ITPRID2: variants seen among roughly 807,000 people sequenced by gnomAD.
ITPRID2 encodes the protein ITPR interacting domain containing 2.
Under a neutral mutation model 124.3 loss-of-function variants are expected in ITPRID2, and 60 were observed. That is an observed-to-expected ratio of 0.48 (90% confidence interval 0.39 to 0.60). ITPRID2 has a LOEUF of 0.60. Ranked by LOEUF, ITPRID2 falls within the 20% of genes least tolerant of loss-of-function variation. The pLI is 0.00. For missense variants in ITPRID2, 1,553 were observed against 1,512.2 expected (o/e 1.03, Z -0.45); for synonymous variants, 521 against 542.9 (o/e 0.96, Z 0.56).
intron 9 of ITPRID2, among the ~76,000 whole-genome samples, chr2:181,911,935 A>G (rs1311466599): frequency 1.3e-5 from 2 of 152,158 alleles, no homozygotes; most frequent in African/African-American, 2.4e-5. Context: ...TGAGCAGTCT[A>G]CCTGCATTAT....
At chr2:181,921,332 G>T (rs1327111394) in intron 15 of ITPRID2, among the ~76,000 whole-genome samples, 1 of 152,030 alleles carries the variant, frequency 6.6e-6, no homozygotes, top group Non-Finnish European at 1.5e-5. Flanking sequence ...ACAAAAATTA[G>T]CTGGGCATGG....
At position 181,919,104 on chromosome 2, in the gene ITPRID2, A is replaced by G. The variant is rs1233440566; in HGVS notation, c.2994-192A>G. Among the ~76,000 whole-genome samples the G allele has an allele frequency of 2.0e-5, 3 of 152,154 alleles. No homozygotes were observed. The highest frequency in any genetic ancestry group is 4.4e-5 in the Non-Finnish European group (3 of 68,034). ...GGTAACCTGCTTTCCCGTGTTTGAG[A>G]TATTTGTGAGAGGATAGGGGAAGAA... is the stretch of plus-strand genomic sequence containing the variant. On this transcript the variant is annotated intron_variant, in intron 13 of 17. Coordinates refer to ENST00000431877, the MANE Select transcript of ITPRID2 (RefSeq NM_001130445.3). The surrounding 1 kb of genome is among the most constrained non-coding windows in gnomAD (Gnocchi z 4.2).
At chr2:181,924,438 G>A (rs1199920758) in intron 16 of ITPRID2, among the ~76,000 whole-genome samples, 1 of 152,100 alleles carries the variant, frequency 6.6e-6, no homozygotes, top group Non-Finnish European at 1.5e-5. Flanking sequence ...TTGGTGTACA[G>A]CTACCAAGAA....
chr2:181,921,494 T>C (rs1282889300), intron 15 of ITPRID2, among the ~76,000 whole-genome samples: 1 of 151,706 alleles, frequency 6.6e-6, no homozygotes, highest in Non-Finnish European at 1.5e-5. Context: ...AAAAAGAAAA[T>C]TGATTTTTAA....
rs754319853 is a variant in ITPRID2, at chr2:181,892,216, CGAG to C, written c.159_161del (p.Glu53del). On this transcript the variant is annotated inframe_deletion, in exon 1 of 18. Coordinates refer to ENST00000431877, the MANE Select transcript of ITPRID2 (RefSeq NM_001130445.3). This position sits in a 1 kb window ranked among gnomAD's most constrained non-coding sequence, Gnocchi z 5.2. ...TGTCCACAGAAGCGACGACGCAGGA[CGAG>C]GAGGAGGACGAGGAGGAGGACCTCC... The C allele has an allele frequency of 3.2e-5, 49 of 1,550,940 alleles. No individual in the cohort carries two copies. The highest frequency in any genetic ancestry group is 4.1e-5 in the Non-Finnish European group (47 of 1,147,158).
chr2:181,901,003 G>A, intron 7 of ITPRID2, 99 bp downstream of exon 7: 1 of 925,510 alleles, frequency 1.1e-6, no homozygotes, highest in Non-Finnish European at 1.6e-6. Context: ...AATAGCACTG[G>A]AAAGTAAAGA....
intron 2 of ITPRID2, chr2:181,893,244 C>T (rs774397955): frequency 1.3e-5 from 2 of 153,010 alleles, no homozygotes; most frequent in Non-Finnish European, 2.9e-5. Flanking sequence ...TGTTTAATTA[C>T]ATGCTTTGGC....
At position 181,892,052 on chromosome 2, in the gene ITPRID2, G is replaced by T. The variant is rs750070702; in HGVS notation, c.-15G>T. ...CGCAGGGTCCGGCTGGGGTAGCGGA[G>T]CCCCCAGTGCGGCCATGGACCGGCC... On this transcript the variant is annotated 5_prime_UTR_variant, in exon 1 of 18. Coordinates refer to ENST00000431877, the MANE Select transcript of ITPRID2 (RefSeq NM_001130445.3). The surrounding 1 kb of genome is among the most constrained non-coding windows in gnomAD (Gnocchi z 5.2). 3 of 1,547,726 alleles carry T rather than the reference G, an allele frequency of 1.9e-6. No homozygotes were observed. Among genetic ancestry groups the T allele is most frequent in the Non-Finnish European group, 8.7e-7 (1 of 1,146,490 alleles).
rs775047139 is a variant in ITPRID2 at position 181,919,314 on chromosome 2, C to T, written c.3012C>T (p.Leu1004=). 1.9e-6 allele frequency: 3 copies of T among 1,614,126 alleles called. No individual in the cohort carries two copies. In the South Asian group the frequency reaches 3.3e-5, roughly 18 times the overall value. Residue 1004 remains leucine (L), a synonymous_variant, in exon 14 of 18, where the codon CTC becomes CTT. Coordinates refer to ENST00000431877, the MANE Select transcript of ITPRID2 (RefSeq NM_001130445.3). The surrounding 1 kb of genome is among the most constrained non-coding windows in gnomAD (Gnocchi z 4.2). ...CCAATAGGTTTGAAGTTGATCAGCT[C>T]CAGGGTTTGAGAAATTCAGTCCGAA... ...TEEERFEVDQ[L]QGLRNSVRME...
chr2:181,923,002 G>T (rs939780366), intron 16 of ITPRID2, among the ~76,000 whole-genome samples: 1 of 152,168 alleles, frequency 6.6e-6, no homozygotes, highest in Non-Finnish European at 1.5e-5. Flanking sequence ...TAAATAGATT[G>T]ATTTGGTTTG....
At chr2:181,918,514 C>A in intron 11 of ITPRID2, 84 bp from the exon 12 acceptor site, 2 of 1,565,262 alleles carry the variant, frequency 1.3e-6, no homozygotes, top group South Asian at 2.4e-5. Context: ...TATATAGGCC[C>A]CAAATTCTGC....
At chr2:181,911,784 G>A (rs2125089529) in intron 9 of ITPRID2, among the ~76,000 whole-genome samples, 1 of 152,290 alleles carries the variant, frequency 6.6e-6, no homozygotes, top group African/African-American at 2.4e-5. Flanking sequence ...TTCTGAAGTA[G>A]CCCTGTGAGA....
In ITPRID2 at chr2:181,892,740, T is replaced by C. The variant is rs888657784; in HGVS notation, c.257+80T>C. The C allele has an allele frequency of 8.7e-5, 133 of 1,525,590 alleles. No homozygotes were observed. Among genetic ancestry groups the C allele is most frequent in the Non-Finnish European group, 1.1e-4 (121 of 1,103,112 alleles). 94.5% of individuals were successfully genotyped at this position (1,525,590 alleles called of 1,614,324 possible). A position where few individuals can be genotyped will look rare whatever the true frequency, so the allele number is the denominator to read the frequency against. The stretch of plus-strand genomic sequence containing the variant: ...CCGGAGCAGAGCCACTCGGGCCGCG[T>C]CCCTGTGGGTCCCGCGACCGTTGTA... On this transcript the variant is annotated intron_variant, in intron 2 of 17. Coordinates refer to ENST00000431877, the MANE Select transcript of ITPRID2 (RefSeq NM_001130445.3). The surrounding 1 kb of genome is among the most constrained non-coding windows in gnomAD (Gnocchi z 5.2).
chr2:181,892,481 G>T lies in ITPRID2; in HGVS notation c.212-134G>T. The T allele has an allele frequency of 7.9e-7, 1 of 1,257,940 alleles. No homozygotes were observed. Among genetic ancestry groups the T allele is most frequent in the Non-Finnish European group, 1.1e-6 (1 of 878,274 alleles). 77.9% of individuals were successfully genotyped at this position (1,257,940 alleles called of 1,614,324 possible). ...CAACTGGGTGCCATCCGATTTCCCT[G>T]CCAAGGGACACTGAGACGTGTCGCT... On this transcript the variant is annotated intron_variant, in intron 1 of 17. Transcript: ENST00000431877. The surrounding 1 kb of genome is among the most constrained non-coding windows in gnomAD (Gnocchi z 5.2).
chr2:181,892,436 G>T lies in ITPRID2; in HGVS notation c.211+159G>T. On this transcript the variant is annotated intron_variant, in intron 1 of 17. Transcript: ENST00000431877. The surrounding 1 kb of genome is among the most constrained non-coding windows in gnomAD (Gnocchi z 5.2). Reference sequence around the variant, plus strand: ...TTCAAACGCGCGCGCTGAACGAGGCGCCCCCAGCGTCAACACAGACAACTG... The same window carrying T: ...TTCAAACGCGCGCGCTGAACGAGGCTCCCCCAGCGTCAACACAGACAACTG... The T allele has an allele frequency of 6.2e-6, 7 of 1,120,244 alleles. No homozygotes were observed. The highest frequency in any genetic ancestry group is 1.5e-5 in the South Asian group (1 of 66,320). The allele number at this position is 1,120,244 out of a possible 1,614,324, so 69.4% of individuals were successfully genotyped here.
intron 16 of ITPRID2, among the ~76,000 whole-genome samples, chr2:181,926,729 A>G (rs1211328488): frequency 4.6e-5 from 7 of 152,004 alleles, no homozygotes; most frequent in Admixed American, 1.3e-4. Context: ...AAAAAAAAAA[A>G]AGAGAATACA....
At chr2:181,917,461 G>T (rs1258778842) in intron 11 of ITPRID2, 1 of 152,184 alleles carries the variant, frequency 6.6e-6, no homozygotes, top group Non-Finnish European at 1.5e-5. Flanking sequence ...ATATAGTTCT[G>T]TCTGTGATGG....
rs1364399984 is a variant in ITPRID2 at position 181,918,350 on chromosome 2, A to G, written c.2788-248A>G. On this transcript the variant is annotated intron_variant, in intron 11 of 17. Coordinates refer to ENST00000431877, the MANE Select transcript of ITPRID2 (RefSeq NM_001130445.3). ...TCGCAAGAGGGAAGTCCTGAAAGAAATAGATGTGAACTATGTTCCTTCGCC... is the reference window on the plus strand; with the variant it reads ...TCGCAAGAGGGAAGTCCTGAAAGAAGTAGATGTGAACTATGTTCCTTCGCC... The G allele has an allele frequency of 1.4e-5, 17 of 1,231,904 alleles. No homozygotes were observed. In the Middle Eastern group the frequency reaches 1.3e-3, roughly 92 times the overall value. 76.3% of individuals were successfully genotyped at this position (1,231,904 alleles called of 1,614,324 possible). A position where few individuals can be genotyped will look rare whatever the true frequency, so the allele number is the denominator to read the frequency against.
intron 9 of ITPRID2, among the ~76,000 whole-genome samples, chr2:181,913,105 T>A (rs988159047): frequency 8.5e-5 from 13 of 152,132 alleles, no homozygotes; most frequent in African/African-American, 3.1e-4. Context: ...TCTTGCTCTG[T>A]CGCCCAGGCT....
Sources: allele counts gnomAD v4.1 joint callset (sites outside exome capture counted in the v4.1 genomes callset), GRCh38; gene constraint gnomAD v4.1.1; non-coding constraint Gnocchi (gnomAD v3.1); transcripts MANE v1.5; gene names NCBI Gene and HGNC (gene_info 2026-07-23, HGNC 2026-07-21).